Variants in ARHGAP20 observed in about 807,000 individuals in gnomAD.
ARHGAP20 encodes rho GTPase-activating protein 20.
Under a neutral mutation model 73.7 loss-of-function variants are expected in ARHGAP20, and 34 were observed. That is an observed-to-expected ratio of 0.46 (90% CI 0.35 to 0.61). The LOEUF is 0.61. ARHGAP20 is among the 20% of genes least tolerant of loss of function. The pLI is 0.00. For missense variants in ARHGAP20, 1,314 were observed against 1,420.9 expected (o/e 0.92, Z 1.21); for synonymous variants, 523 against 518.2 (o/e 1.01, Z -0.13).
At chr11:110,710,435 T>A (rs1591200434) in intron 1 of ARHGAP20, among the ~76,000 whole-genome samples, 1 of 147,544 alleles carries the variant, frequency 6.8e-6, no homozygotes. Flanking sequence ...ATACCCTTAG[T>A]AAAAAAAAAA....
chr11:110,685,422 A>T (rs141330341), intron 2 of ARHGAP20, among the ~76,000 whole-genome samples: 179 of 152,194 alleles, frequency 1.2e-3, no homozygotes, highest in African/African-American at 4.2e-3. Context: ...AGCATGAAAG[A>T]TGTCTGTCAC....
intron 6 of ARHGAP20, among the ~76,000 whole-genome samples, chr11:110,612,999 A>C (rs1948404096): frequency 6.6e-6 from 1 of 152,312 alleles, no homozygotes; most frequent in African/African-American, 2.4e-5. Flanking sequence ...ATTTTAAAAA[A>C]GTCTAAAATT....
intron 11 of ARHGAP20, 46 bp from the exon 12 acceptor site, chr11:110,586,371 C>G: frequency 8.3e-7 from 1 of 1,210,514 alleles, no homozygotes. Context: ...TATCCTCATG[C>G]CAAATATGTA....
At chr11:110,582,278 TG>T in intron 14 of ARHGAP20, 42 bp downstream of exon 14, 1 of 1,450,404 alleles carries the variant, frequency 6.9e-7, no homozygotes, top group East Asian at 2.3e-5. Flanking sequence ...CAAACAACCA[TG>T]TGTCTGTTTC....
At chr11:110,665,546 TC>T (rs1423371234) in intron 2 of ARHGAP20, among the ~76,000 whole-genome samples, 6 of 152,272 alleles carry the variant, frequency 3.9e-5, no homozygotes, top group South Asian at 2.1e-4. Context: ...AGACAGAGAT[TC>T]TATTGCACAG....
chr11:110,638,787 G>GA (rs745766908), intron 2 of ARHGAP20, among the ~76,000 whole-genome samples: 283 of 152,046 alleles, frequency 1.9e-3, no homozygotes, highest in Non-Finnish European at 3.3e-3. Flanking sequence ...ACTCATAGGT[G>GA]GGAACTGAAC....
At chr11:110,627,548 T>C (rs978968731) in intron 3 of ARHGAP20, among the ~76,000 whole-genome samples, 13 of 152,170 alleles carry the variant, frequency 8.5e-5, no homozygotes, top group Non-Finnish European at 1.5e-4. Flanking sequence ...CATTCTAAGA[T>C]AGGGATGTCT....
intron 14 of ARHGAP20, 101 bp downstream of exon 14, chr11:110,582,220 A>C: frequency 1.0e-6 from 1 of 968,874 alleles, no homozygotes; most frequent in Non-Finnish European, 1.6e-6. Flanking sequence ...GGCTCCTTTC[A>C]CTTCAGCTGC....
chr11:110,683,349 T>TA (rs1017280436), intron 2 of ARHGAP20, among the ~76,000 whole-genome samples: 17 of 151,972 alleles, frequency 1.1e-4, no homozygotes, highest in Admixed American at 3.3e-4. Flanking sequence ...AACATTTTGT[T>TA]AAAAAAAATC....
intron 10 of ARHGAP20, 56 bp from the exon 11 acceptor site, chr11:110,590,865 T>A: frequency 6.5e-7 from 1 of 1,535,756 alleles, no homozygotes; most frequent in Non-Finnish European, 8.8e-7. Flanking sequence ...CACAAGGGAA[T>A]GTACACTTGC....
chr11:110,624,023 G>A, intron 4 of ARHGAP20, 139 bp downstream of exon 4: 1 of 1,203,456 alleles, frequency 8.3e-7, no homozygotes, highest in Non-Finnish European at 1.1e-6. Context: ...ATGAGTTATT[G>A]ATTTAATATG....
intron 3 of ARHGAP20, among the ~76,000 whole-genome samples, chr11:110,627,132 A>G (rs1025935907): frequency 2.6e-5 from 4 of 152,156 alleles, no homozygotes; most frequent in African/African-American, 9.7e-5. Flanking sequence ...CTTGTCACCC[A>G]GGCTGGAGTG....
Position 110,590,798 on chromosome 11 carries a change from G to T in ARHGAP20, c.1155C>A (p.Phe385Leu). ...NLPKPVLDML[F>L]FLNQKGPLTK... The stretch of plus-strand genomic sequence containing the variant: ...TGAGAGGTCCTTTTTGATTAAGAAA[G>T]AAAAGCATATCCTATGGGGAAGCAA... The change falls in exon 11 of 15, where the codon TTC becomes TTA. Residue 385 changes from phenylalanine to leucine, a missense_variant. Physicochemically the swap from Phe to Leu is conservative, Grantham distance 22 (BLOSUM62 0). Coordinates refer to ENST00000683387, the MANE Select transcript of ARHGAP20 (RefSeq NM_001384657.1). 1.9e-6 allele frequency: 3 copies of T among 1,612,924 alleles called. No homozygotes were observed. Among genetic ancestry groups the T allele is most frequent in the Non-Finnish European group, 2.5e-6 (3 of 1,179,650 alleles).
At chr11:110,699,651 G>A (rs540202407) in intron 1 of ARHGAP20, among the ~76,000 whole-genome samples, 1 of 151,966 alleles carries the variant, frequency 6.6e-6, no homozygotes, top group East Asian at 1.9e-4. Flanking sequence ...ATTATATAAT[G>A]CTCATTTGTC....
Position 110,577,580 on chromosome 11 carries a change from A to G in ARHGAP20, c.*1790T>C. On this transcript the variant is annotated 3_prime_UTR_variant, in exon 15 of 15. Coordinates refer to ENST00000683387, the MANE Select transcript of ARHGAP20 (RefSeq NM_001384657.1). ...AGTAGTATGCCCTAAGGGAAAGGGG[A>G]GTCCCTGCTGACTTTATATATTATA... The G allele has an allele frequency of 3.0e-6, 3 of 987,542 alleles. No homozygotes were observed. The highest frequency in any genetic ancestry group is 2.4e-6 in the Non-Finnish European group (2 of 831,168). 61.2% of individuals were successfully genotyped at this position (987,542 alleles called of 1,614,324 possible). A position where few individuals can be genotyped will look rare whatever the true frequency, so the allele number is the denominator to read the frequency against.
intron 9 of ARHGAP20, among the ~76,000 whole-genome samples, chr11:110,606,066 G>T (rs1948221203): frequency 1.3e-5 from 2 of 152,152 alleles, no homozygotes; most frequent in Non-Finnish European, 2.9e-5. Context: ...AGACTGCTAT[G>T]TTCACAGGGA....
chr11:110,599,235 C>T (rs1948050145), intron 9 of ARHGAP20, among the ~76,000 whole-genome samples: 1 of 152,254 alleles, frequency 6.6e-6, no homozygotes, highest in Admixed American at 6.5e-5. Context: ...CCCTCACAGG[C>T]TCAGAAGTGC....
intron 9 of ARHGAP20, among the ~76,000 whole-genome samples, chr11:110,603,308 A>G (rs954483248): frequency 1.3e-5 from 2 of 152,192 alleles, no homozygotes; most frequent in African/African-American, 2.4e-5. Context: ...TTATGAATGA[A>G]AAGAACAGCC....
intron 2 of ARHGAP20, among the ~76,000 whole-genome samples, chr11:110,664,727 C>CAAAAAAAA (rs34643863): frequency 7.9e-5 from 7 of 88,280 alleles, no homozygotes; most frequent in Non-Finnish European, 1.7e-4. Context: ...GACTCCGTCT[C>CAAAAAAAA]AAAAAAAAAA....
Sources: gnomAD v4.1 joint callset for allele counts (sites outside exome capture counted in the v4.1 genomes callset) on GRCh38, gnomAD v4.1.1 for gene constraint, MANE v1.5 for transcripts, NCBI Gene and HGNC (gene_info 2026-07-23, HGNC 2026-07-21) for gene names.